Variants in PIK3R1 observed in about 807,000 individuals in gnomAD.
PIK3R1 encodes the protein phosphoinositide-3-kinase regulatory subunit 1, also known as phosphatidylinositol 3-kinase regulatory subunit alpha.
Under a neutral mutation model 98.0 loss-of-function variants are expected in PIK3R1, and 29 were observed. That is an observed-to-expected ratio of 0.30 (90% CI 0.22 to 0.40). The LOEUF is 0.40. Ranked by LOEUF, PIK3R1 falls within the 10% of genes least tolerant of loss-of-function variation. The pLI is 1.00. For synonymous variants in PIK3R1, 282 were observed against 311.8 expected, an observed-to-expected ratio of 0.90 and a Z score of 1.01; for missense variants, 596 against 872.7, an observed-to-expected ratio of 0.68 and a Z score of 3.99.
At position 68,256,641 on chromosome 5, in the gene PIK3R1, T is replaced by TG. The variant is rs751235449; in HGVS notation, c.335-16746dup. On this transcript the variant is annotated intron_variant, in intron 2 of 15. Transcript: ENST00000521381. The stretch of plus-strand genomic sequence containing the variant: ...TTGAAGCACCAACAGTATGCATACA[T>TG]GGGTATCCAGAATGACCATCTAGTC... Among the ~76,000 whole-genome samples, 12 of 152,286 alleles carry TG rather than the reference T, an allele frequency of 7.9e-5. No individual in the cohort carries two copies. The East Asian group carries it at 2.1e-3, about 27-fold the overall frequency.
At chr5:68,245,204 A>G (rs933410411) in intron 2 of PIK3R1, among the ~76,000 whole-genome samples, 3 of 152,260 alleles carry the variant, frequency 2.0e-5, no homozygotes, top group Non-Finnish European at 4.4e-5. Context: ...CTACATAAGT[A>G]TATCAGCAAA....
intron 2 of PIK3R1, among the ~76,000 whole-genome samples, chr5:68,262,155 C>A (rs562749934): frequency 6.6e-6 from 1 of 152,088 alleles, no homozygotes; most frequent in East Asian, 1.9e-4. Flanking sequence ...CATCAGGAAT[C>A]TAAAGTGTTA....
rs1748068868 is a variant in PIK3R1 at position 68,301,414 on chromosome 5, ATATATATATATATATATATGTGTGTG to A, written c.*3829_*3854del. On this transcript the variant is annotated 3_prime_UTR_variant, in exon 16 of 16. Coordinates refer to ENST00000521381, the MANE Select transcript of PIK3R1 (RefSeq NM_181523.3). Reference sequence around the variant, plus strand: ...TGTGTATATATATATATATATATATATATATATATATATATATATGTGTGTGTATATATATATATATGTGTATATAT... The same window carrying A: ...TGTGTATATATATATATATATATATATATATATATATATATGTGTATATAT... The A allele has an allele frequency of 9.7e-6, 1 of 103,592 alleles. No homozygotes were observed. The allele number at this position is 103,592 out of a possible 1,614,324, so 6.4% of individuals were successfully genotyped here.
intron 2 of PIK3R1, chr5:68,239,802 T>C: frequency 2.0e-6 from 1 of 494,868 alleles, no homozygotes; most frequent in Non-Finnish European, 4.0e-6. Flanking sequence ...CGGTCTGATA[T>C]GACAAAGTGA....
rs553844027 is a variant in PIK3R1, at chr5:68,226,326, A to T, written c.-350A>T. 1 of 426,440 alleles carries T rather than the reference A, an allele frequency of 2.3e-6. No individual in the cohort carries two copies. Among genetic ancestry groups the T allele is most frequent in the Admixed American group, 3.8e-5 (1 of 26,072 alleles). The allele number at this position is 426,440 out of a possible 1,614,324, so 26.4% of individuals were successfully genotyped here. A position where few individuals can be genotyped will look rare whatever the true frequency, so the allele number is the denominator to read the frequency against. ...GTGTGGAGTGCCACGGTACAATCAG[A>T]CGACAGATGGACAGTGTGACAAAAG... is the stretch of plus-strand genomic sequence containing the variant. On this transcript the variant is annotated 5_prime_UTR_variant, in exon 2 of 16. Coordinates refer to ENST00000521381, the MANE Select transcript of PIK3R1 (RefSeq NM_181523.3).
rs189303005 is a variant in PIK3R1, at chr5:68,249,397, G to T, written c.334+22388G>T. On this transcript the variant is annotated intron_variant, in intron 2 of 15. Coordinates refer to ENST00000521381, the MANE Select transcript of PIK3R1 (RefSeq NM_181523.3). ...TTCTATATCATGGTATCTCTTCTTG[G>T]TCTTTTTGTATTATATTTCCATAAA... Among the ~76,000 whole-genome samples, 69 of 152,030 alleles carry T rather than the reference G, an allele frequency of 4.5e-4. No homozygotes were observed. In the East Asian group the frequency reaches 0.012, roughly 26 times the overall value.
At chr5:68,236,375 G>A (rs1744670252) in intron 2 of PIK3R1, among the ~76,000 whole-genome samples, 2 of 151,236 alleles carry the variant, frequency 1.3e-5, no homozygotes, top group South Asian at 2.1e-4. Flanking sequence ...TCAGCCTCCC[G>A]AGTAGCTGGG....
intron 7 of PIK3R1, among the ~76,000 whole-genome samples, chr5:68,283,870 G>A (rs1187458288): frequency 6.6e-6 from 1 of 152,316 alleles, no homozygotes; most frequent in African/African-American, 2.4e-5. Flanking sequence ...GCTGCTTTTA[G>A]TGTCCAATCA....
chr5:68,295,089 C>T lies in PIK3R1; in HGVS notation c.1569-59C>T. 3 of 1,409,604 alleles carry T rather than the reference C, an allele frequency of 2.1e-6. No homozygotes were observed. In the South Asian group the frequency reaches 4.3e-5, roughly 20 times the overall value. 87.3% of individuals were successfully genotyped at this position (1,409,604 alleles called of 1,614,324 possible). A position where few individuals can be genotyped will look rare whatever the true frequency, so the allele number is the denominator to read the frequency against. ...AAACCATAGTGAAACTTTTCATAAA[C>T]TTTGGGGACCGTTCCTGATGTACCC... On this transcript the variant is annotated intron_variant, in intron 12 of 15. Transcript: ENST00000521381.
chr5:68,246,605 G>T (rs1039448212), intron 2 of PIK3R1, among the ~76,000 whole-genome samples: 3 of 152,226 alleles, frequency 2.0e-5, no homozygotes, highest in South Asian at 2.1e-4. Context: ...GAGCCACCGC[G>T]CCCGTCCATG....
chr5:68,254,836 CTT>C (rs66853734), intron 2 of PIK3R1, among the ~76,000 whole-genome samples: 4,450 of 148,454 alleles, frequency 0.03, 143 homozygotes, highest in African/African-American at 0.072. Flanking sequence ...TTCTTTTTTT[CTT>C]TTTTTTTTTT....
chr5:68,271,985 T>G (rs1378612533), intron 2 of PIK3R1, among the ~76,000 whole-genome samples: 4 of 152,138 alleles, frequency 2.6e-5, no homozygotes. Flanking sequence ...GTGCAGTGGC[T>G]CACACCTGTA....
intron 1 of PIK3R1, among the ~76,000 whole-genome samples, chr5:68,218,458 T>C (rs1324042592): frequency 5.3e-5 from 8 of 152,142 alleles, no homozygotes; most frequent in Admixed American, 2.0e-4. Flanking sequence ...CAGGGGAGTA[T>C]TGTAAAAAGG....
At chr5:68,224,542 C>T (rs1028005821) in intron 1 of PIK3R1, among the ~76,000 whole-genome samples, 2 of 152,320 alleles carry the variant, frequency 1.3e-5, no homozygotes, top group East Asian at 1.9e-4. Flanking sequence ...GAATACTTTA[C>T]ACTTCTGAAT....
At chr5:68,284,220 G>C (rs1429332524) in intron 7 of PIK3R1, among the ~76,000 whole-genome samples, 1 of 152,176 alleles carries the variant, frequency 6.6e-6, no homozygotes, top group Non-Finnish European at 1.5e-5. Context: ...GGCCTTATGG[G>C]AGCTGTCCTC....
At chr5:68,252,662 T>G (rs1159393753) in intron 2 of PIK3R1, among the ~76,000 whole-genome samples, 1 of 152,188 alleles carries the variant, frequency 6.6e-6, no homozygotes, top group East Asian at 1.9e-4. Flanking sequence ...ATTAGTAATT[T>G]TCAAGGGATT....
In PIK3R1 at chr5:68,258,429, C is replaced by T. The variant is rs140463229; in HGVS notation, c.335-14961C>T. On this transcript the variant is annotated intron_variant, in intron 2 of 15. Transcript: ENST00000521381. ...CAGCTCCTTAAGGTGCCTGCCTCTT[C>T]CTCTAATACTATGTACATATTTCGA... 4.3e-3 allele frequency among the ~76,000 whole-genome samples: 660 copies of T among 152,308 alleles called. 6 individuals carry two copies. The highest frequency in any genetic ancestry group is 0.015 in the African/African-American group (638 of 41,570).
rs5868528 is a variant in PIK3R1, at chr5:68,253,983, C to CTT, written c.335-19391_335-19390dup. Among the ~76,000 whole-genome samples the CTT allele has an allele frequency of 1.6e-3, 205 of 129,572 alleles. 2 individuals are homozygous for CTT. The highest frequency in any genetic ancestry group is 5.2e-3 in the African/African-American group (176 of 33,792). The allele number at this position is 129,572 out of a possible 152,430, so 85.0% of individuals were successfully genotyped here. A position where few individuals can be genotyped will look rare whatever the true frequency, so the allele number is the denominator to read the frequency against. ...TGTTTTTTATTTTCCCGTGGACCCCCTTTTTTTTTTTTTTTTTGTATTTTA... is the reference window on the plus strand; with the variant it reads ...TGTTTTTTATTTTCCCGTGGACCCCCTTTTTTTTTTTTTTTTTTTGTATTTTA... On this transcript the variant is annotated intron_variant, in intron 2 of 15. Coordinates refer to ENST00000521381, the MANE Select transcript of PIK3R1 (RefSeq NM_181523.3).
chr5:68,226,408 A>G lies in PIK3R1; in HGVS notation c.-268A>G, dbSNP rs1744277817. ...TCAGCCTGGATTCAAAGTGTTGACA[A>G]GTTGCTGAAAAGGAAGCCAGTGAGA... On this transcript the variant is annotated 5_prime_UTR_variant, in exon 2 of 16. Coordinates refer to ENST00000521381, the MANE Select transcript of PIK3R1 (RefSeq NM_181523.3). 4.2e-6 allele frequency: 2 copies of G among 481,686 alleles called. No individual in the cohort carries two copies. Among genetic ancestry groups the G allele is most frequent in the South Asian group, 5.0e-5 (1 of 19,922 alleles). The allele number at this position is 481,686 out of a possible 1,614,324, so 29.8% of individuals were successfully genotyped here. A position where few individuals can be genotyped will look rare whatever the true frequency, so the allele number is the denominator to read the frequency against.
Sources: gnomAD v4.1 joint callset for allele counts (sites outside exome capture counted in the v4.1 genomes callset) on GRCh38, gnomAD v4.1.1 for gene constraint, MANE v1.5 for transcripts, NCBI Gene and HGNC (gene_info 2026-07-23, HGNC 2026-07-21) for gene names.